The following PTPRM variants were observed in gnomAD, a reference collection of about 807,000 sequenced individuals.
PTPRM encodes the protein protein tyrosine phosphatase receptor type M.
A neutral mutation model predicts 186.7 loss-of-function variants in PTPRM; 47 were observed. That is an observed-to-expected ratio of 0.25 (90% CI 0.20 to 0.32). PTPRM has a LOEUF of 0.32. Ranked by LOEUF, PTPRM falls within the 10% of genes least tolerant of loss-of-function variation. PTPRM has a pLI of 1.00. For synonymous variants in PTPRM, 668 were observed against 674.9 expected (o/e 0.99, Z 0.16); for missense variants, 1,494 against 1,865.0 (o/e 0.80, Z 3.66).
rs561639459 is a variant in PTPRM, at chr18:7,869,607, C to T, written c.197-18499C>T. Reference sequence around the variant, plus strand: ...AATCACCCGCCTTCTGTGTTGATCTCGCTGGAAGCTGCAGACCGGAGTTGT... The same window carrying T: ...AATCACCCGCCTTCTGTGTTGATCTTGCTGGAAGCTGCAGACCGGAGTTGT... On this transcript the variant is annotated intron_variant, in intron 2 of 32. Coordinates refer to ENST00000580170, the MANE Select transcript of PTPRM (RefSeq NM_001105244.2). Among the ~76,000 whole-genome samples the T allele has an allele frequency of 3.3e-5, 5 of 152,242 alleles. No individual in the cohort carries two copies. In the South Asian group the frequency reaches 8.3e-4, roughly 25 times the overall value.
At chr18:8,067,874 C>G (rs77744551) in intron 7 of PTPRM, among the ~76,000 whole-genome samples, 3,293 of 152,310 alleles carry the variant, frequency 0.022, 107 homozygotes, top group African/African-American at 0.075. Context: ...CCTCTCAGCA[C>G]TTTTGTCTCA....
intron 3 of PTPRM, among the ~76,000 whole-genome samples, chr18:7,897,329 T>A (rs1157252574): frequency 1.3e-5 from 2 of 152,210 alleles, no homozygotes; most frequent in Non-Finnish European, 2.9e-5. Context: ...TAGAACATAC[T>A]TTGACTCCAT....
At chr18:8,073,130 CA>C (rs2148462343) in intron 8 of PTPRM, among the ~76,000 whole-genome samples, 1 of 152,300 alleles carries the variant, frequency 6.6e-6, no homozygotes, top group Admixed American at 6.5e-5. Flanking sequence ...TTGAATGAAA[CA>C]AATATTTGTT....
rs538412004 is a variant in PTPRM at position 7,591,052 on chromosome 18, A to G, written c.73+23161A>G. Among the ~76,000 whole-genome samples the G allele has an allele frequency of 2.6e-5, 4 of 152,362 alleles. No homozygotes were observed. In the East Asian group the frequency reaches 5.8e-4, roughly 22 times the overall value. ...AGAGTGACTCTCATTTCCTGCTTCT[A>G]GAAACCAAAAAGTGAAAGAGGAAGA... On this transcript the variant is annotated intron_variant, in intron 1 of 32. Transcript: ENST00000580170.
intron 1 of PTPRM, among the ~76,000 whole-genome samples, chr18:7,635,471 G>A (rs2038290671): frequency 6.6e-6 from 1 of 152,128 alleles, no homozygotes; most frequent in Middle Eastern, 3.2e-3. Flanking sequence ...TATTCATAAA[G>A]AAGTGACCTT....
At chr18:7,948,594 G>A (rs1013781761) in intron 5 of PTPRM, among the ~76,000 whole-genome samples, 1 of 152,150 alleles carries the variant, frequency 6.6e-6, no homozygotes, top group African/African-American at 2.4e-5. Context: ...AACCTCTCTT[G>A]TTACGTATGA....
intron 8 of PTPRM, among the ~76,000 whole-genome samples, chr18:8,071,120 A>G (rs779600043): frequency 5.3e-5 from 8 of 152,054 alleles, no homozygotes; most frequent in African/African-American, 1.7e-4. Flanking sequence ...CCTCTCAAGC[A>G]GTTGTTTGAG....
intron 9 of PTPRM, among the ~76,000 whole-genome samples, chr18:8,078,712 C>T (rs1041895200): frequency 6.6e-6 from 1 of 152,182 alleles, no homozygotes; most frequent in Admixed American, 6.5e-5. Flanking sequence ...CTTCTGCAGA[C>T]CGTACAAGCA....
intron 1 of PTPRM, among the ~76,000 whole-genome samples, chr18:7,575,180 T>C (rs905745387): frequency 6.6e-6 from 1 of 152,174 alleles, no homozygotes; most frequent in Non-Finnish European, 1.5e-5. Context: ...TAAATAAAAA[T>C]AATCATGATG....
At chr18:8,001,788 A>G (rs2083889616) in intron 7 of PTPRM, among the ~76,000 whole-genome samples, 1 of 152,192 alleles carries the variant, frequency 6.6e-6, no homozygotes. Flanking sequence ...GAATAACATC[A>G]GGTAGCCATG....
intron 1 of PTPRM, among the ~76,000 whole-genome samples, chr18:7,688,395 T>G (rs1213859298): frequency 6.6e-6 from 1 of 152,140 alleles, no homozygotes; most frequent in African/African-American, 2.4e-5. Context: ...AAGGAAAGAT[T>G]CTGTGGGGGA....
chr18:8,398,326 C>G (rs1392603801), intron 32 of PTPRM, among the ~76,000 whole-genome samples: 2 of 152,214 alleles, frequency 1.3e-5, no homozygotes, highest in Middle Eastern at 3.4e-3. Flanking sequence ...ACATATTTCT[C>G]AGCCTCTGTT....
intron 14 of PTPRM, among the ~76,000 whole-genome samples, chr18:8,164,255 C>T (rs2093281443): frequency 6.6e-6 from 1 of 152,176 alleles, no homozygotes; most frequent in Non-Finnish European, 1.5e-5. Flanking sequence ...AGCATGCAGT[C>T]CCTTTTTAAG....
At chr18:7,609,905 G>A (rs563777663) in intron 1 of PTPRM, among the ~76,000 whole-genome samples, 1 of 152,318 alleles carries the variant, frequency 6.6e-6, no homozygotes, top group South Asian at 2.1e-4. Flanking sequence ...CACTTCCCAT[G>A]TTCCTGGTAA....
intron 2 of PTPRM, among the ~76,000 whole-genome samples, chr18:7,783,920 T>C (rs1302980581): frequency 6.6e-5 from 10 of 151,938 alleles, no homozygotes; most frequent in Non-Finnish European, 1.5e-5. Context: ...TGGCCTCTCT[T>C]TACTGGGGTG....
chr18:8,390,971 A>T (rs180847386), intron 31 of PTPRM, among the ~76,000 whole-genome samples: 9 of 117,362 alleles, frequency 7.7e-5, no homozygotes, highest in African/African-American at 2.8e-4. Context: ...ATAATAATAA[A>T]GATGTCCCGA....
chr18:7,641,992 T>G (rs1397728046), intron 1 of PTPRM, among the ~76,000 whole-genome samples: 1 of 152,198 alleles, frequency 6.6e-6, no homozygotes, highest in Non-Finnish European at 1.5e-5. Flanking sequence ...GAGCACTGTC[T>G]GGTTGTAAAT....
chr18:8,298,173 A>G (rs543502409), intron 20 of PTPRM, among the ~76,000 whole-genome samples: 2 of 152,326 alleles, frequency 1.3e-5, no homozygotes, highest in African/African-American at 4.8e-5. Context: ...TTCTTGGTCT[A>G]TCTAGACTCT....
intron 3 of PTPRM, among the ~76,000 whole-genome samples, chr18:7,895,611 G>T (rs1449573391): frequency 1.3e-5 from 2 of 152,184 alleles, no homozygotes; most frequent in Non-Finnish European, 2.9e-5. Flanking sequence ...AGGGACCGCT[G>T]TGTTGGGCTC....
Sources: allele counts gnomAD v4.1 joint callset (sites outside exome capture counted in the v4.1 genomes callset), GRCh38; gene constraint gnomAD v4.1.1; transcripts MANE v1.5; gene names NCBI Gene and HGNC (gene_info 2026-07-23, HGNC 2026-07-21).